Variants in GRM7 observed in about 807,000 individuals in gnomAD.
GRM7 encodes metabotropic glutamate receptor 7.
GRM7 carries 35 observed loss-of-function variants against 84.5 expected under a neutral mutation model. The ratio of observed to expected loss-of-function variants is 0.41; its 90% confidence interval spans 0.32 to 0.55. The LOEUF is 0.55. Among genes scored for constraint, GRM7 ranks in the 20% least tolerant of loss-of-function variants. The pLI, the probability that GRM7 is intolerant of heterozygous loss-of-function variation, is 0.19. For missense variants in GRM7, 1,003 were observed against 1,194.6 expected, an observed-to-expected ratio of 0.84 and a Z score of 2.36; for synonymous variants, 487 against 455.1, an observed-to-expected ratio of 1.07 and a Z score of -0.89.
intron 2 of GRM7, among the ~76,000 whole-genome samples, chr3:7,219,109 C>A (rs1696711328): frequency 6.6e-6 from 1 of 152,130 alleles, no homozygotes; most frequent in South Asian, 2.1e-4. Flanking sequence ...TAGTCGTTAA[C>A]TCCTCTGAAG....
intron 2 of GRM7, among the ~76,000 whole-genome samples, chr3:7,196,165 A>G (rs1695871969): frequency 6.6e-6 from 1 of 152,058 alleles, no homozygotes; most frequent in Admixed American, 6.5e-5. Context: ...GCTATGTTGC[A>G]GTTCAAATCT....
intron 1 of GRM7, among the ~76,000 whole-genome samples, chr3:7,140,605 T>C (rs1177503540): frequency 6.6e-6 from 1 of 151,976 alleles, no homozygotes; most frequent in Non-Finnish European, 1.5e-5. Context: ...AATAAAATAA[T>C]GTATTACAGC....
Position 7,125,439 on chromosome 3 carries a change from G to A in GRM7, c.520-21013G>A, listed in dbSNP as rs990297956. ...TATGTCTTTCATAGAGTATGCATAAGATCAAGATTGCTTGTTTGGGGAAAA... is the reference window on the plus strand; with the variant it reads ...TATGTCTTTCATAGAGTATGCATAAAATCAAGATTGCTTGTTTGGGGAAAA... On this transcript the variant is annotated intron_variant, in intron 1 of 9. Transcript: ENST00000357716. Among the ~76,000 whole-genome samples, 4 of 152,076 alleles carry A rather than the reference G, an allele frequency of 2.6e-5. No homozygotes were observed. The East Asian group carries it at 7.7e-4, about 29-fold the overall frequency.
At chr3:7,725,587 T>C (rs1702095463) in intron 9 of GRM7, among the ~76,000 whole-genome samples, 1 of 152,158 alleles carries the variant, frequency 6.6e-6, no homozygotes, top group South Asian at 2.1e-4. Context: ...CAGGGCATGG[T>C]GTTTACATTT....
At chr3:7,556,608 C>T (rs577013192) in intron 7 of GRM7, among the ~76,000 whole-genome samples, 1 of 152,134 alleles carries the variant, frequency 6.6e-6, no homozygotes, top group Non-Finnish European at 1.5e-5. Flanking sequence ...GATGAGGACT[C>T]AACTGGTGAA....
chr3:7,653,175 A>C (rs1699028107), intron 8 of GRM7, among the ~76,000 whole-genome samples: 1 of 120,930 alleles, frequency 8.3e-6, no homozygotes, highest in Non-Finnish European at 1.6e-5. Context: ...GTAACATACT[A>C]TATCCTTTTT....
chr3:7,644,425 C>G (rs879679415), intron 8 of GRM7, among the ~76,000 whole-genome samples: 1 of 152,160 alleles, frequency 6.6e-6, no homozygotes, highest in African/African-American at 2.4e-5. Flanking sequence ...GGCCTAATTC[C>G]TCAGTTATCT....
At chr3:6,910,077 A>G (rs1308235801) in intron 1 of GRM7, among the ~76,000 whole-genome samples, 1 of 152,042 alleles carries the variant, frequency 6.6e-6, no homozygotes. Context: ...GGGCTGAAGG[A>G]AAAAAATCAA....
In GRM7 at chr3:7,280,244, C is replaced by T. The variant is rs536948658; in HGVS notation, c.737-18440C>T. Among the ~76,000 whole-genome samples the T allele has an allele frequency of 2.0e-5, 3 of 152,208 alleles. No homozygotes were observed. In the South Asian group the frequency reaches 6.2e-4, roughly 32 times the overall value. ...AAGGTAGCATGTTGAGCTGGAATAC[C>T]AGGACTAGATGGAAAGTCCTTGGTC... On this transcript the variant is annotated intron_variant, in intron 2 of 9. Transcript: ENST00000357716.
chr3:6,993,933 G>A (rs1694737315), intron 1 of GRM7, among the ~76,000 whole-genome samples: 1 of 152,174 alleles, frequency 6.6e-6, no homozygotes, highest in Admixed American at 6.5e-5. Flanking sequence ...TTTGGGAATG[G>A]AGCACAGGCT....
intron 7 of GRM7, among the ~76,000 whole-genome samples, chr3:7,533,846 C>A (rs1701135756): frequency 6.6e-6 from 1 of 152,142 alleles, no homozygotes; most frequent in African/African-American, 2.4e-5. Context: ...TGTGCCATCT[C>A]AGCCTCATAG....
chr3:6,904,343 A>G (rs945395939), intron 1 of GRM7, among the ~76,000 whole-genome samples: 1 of 151,976 alleles, frequency 6.6e-6, no homozygotes, highest in African/African-American at 2.4e-5. Context: ...CTGAGGAAAA[A>G]CTGTATGGGT....
intron 5 of GRM7, among the ~76,000 whole-genome samples, chr3:7,444,327 A>G (rs756668455): frequency 6.6e-6 from 1 of 152,220 alleles, no homozygotes; most frequent in Non-Finnish European, 1.5e-5. Context: ...CAATGATTCT[A>G]TGGCTTATAG....
chr3:7,227,093 T>C (rs1431288064), intron 2 of GRM7, among the ~76,000 whole-genome samples: 1 of 152,220 alleles, frequency 6.6e-6, no homozygotes, highest in African/African-American at 2.4e-5. Flanking sequence ...TAAATTATTT[T>C]AATATTAATT....
intron 7 of GRM7, among the ~76,000 whole-genome samples, chr3:7,541,300 G>T (rs1027222308): frequency 6.6e-6 from 1 of 152,036 alleles, no homozygotes; most frequent in Non-Finnish European, 1.5e-5. Flanking sequence ...TAAGTAAGAA[G>T]AATAGAAATT....
chr3:7,724,327 T>C lies in GRM7; in HGVS notation c.2699-16030T>C, dbSNP rs149276404. The stretch of plus-strand genomic sequence containing the variant: ...CCACAGCCATAACCGATTTCTAGTG[T>C]ACTCTTTCATTTATTCAGTAGAAGC... On this transcript the variant is annotated intron_variant, in intron 9 of 9. Coordinates refer to ENST00000357716, the MANE Select transcript of GRM7 (RefSeq NM_000844.4). 7.9e-5 allele frequency among the ~76,000 whole-genome samples: 12 copies of C among 152,302 alleles called. No homozygotes were observed. The East Asian group carries it at 2.3e-3, about 29-fold the overall frequency.
intron 2 of GRM7, among the ~76,000 whole-genome samples, chr3:7,201,642 A>C (rs147640576): frequency 6.6e-6 from 1 of 152,218 alleles, no homozygotes; most frequent in Admixed American, 6.5e-5. Flanking sequence ...CCTGTAATAC[A>C]CTAAGTAATC....
At chr3:7,712,043 T>G (rs1319783279) in intron 9 of GRM7, among the ~76,000 whole-genome samples, 1 of 152,226 alleles carries the variant, frequency 6.6e-6, no homozygotes, top group Non-Finnish European at 1.5e-5. Flanking sequence ...ACAGCTCTTT[T>G]GTCTTTGACT....
In GRM7 at chr3:7,461,026, CT is replaced by C. The variant is rs200798220; in HGVS notation, c.1376-553del. Among the ~76,000 whole-genome samples the C allele has an allele frequency of 5.4e-3, 817 of 152,242 alleles. 11 individuals carry two copies. Among genetic ancestry groups the C allele is most frequent in the African/African-American group, 0.018 (762 of 41,554 alleles). On this transcript the variant is annotated intron_variant, in intron 6 of 9. Transcript: ENST00000357716. ...ATACCTGACAAATACACTGCTAAACCTTTTACCTGCTTATGATATAAATTAG... is the reference window on the plus strand; with the variant it reads ...ATACCTGACAAATACACTGCTAAACCTTTACCTGCTTATGATATAAATTAG...
Sources: gnomAD v4.1 joint callset for allele counts (sites outside exome capture counted in the v4.1 genomes callset) on GRCh38, gnomAD v4.1.1 for gene constraint, MANE v1.5 for transcripts, NCBI Gene and HGNC (gene_info 2026-07-23, HGNC 2026-07-21) for gene names.